PHF21A: variants seen among roughly 807,000 people sequenced by gnomAD.
PHF21A encodes BHC80a.
In PHF21A, 11 loss-of-function variants were observed where a neutral mutation model predicts 82.5. The observed-to-expected ratio is 0.13, with a 90% CI of 0.08 to 0.22. The LOEUF is 0.22. PHF21A is among the 10% of genes least tolerant of loss of function. PHF21A has a pLI of 1.00. For missense variants in PHF21A, 579 were observed against 837.8 expected (o/e 0.69, Z 3.81); for synonymous variants, 297 against 302.8 (o/e 0.98, Z 0.20).
At chr11:46,083,008 G>A (rs914914252) in intron 4 of PHF21A, among the ~76,000 whole-genome samples, 4 of 152,108 alleles carry the variant, frequency 2.6e-5, no homozygotes, top group Non-Finnish European at 5.9e-5. Flanking sequence ...CTATGATGAT[G>A]TCAGCTTTGA....
Position 45,971,262 on chromosome 11 carries a change from T to C in PHF21A, c.466A>G (p.Ile156Val). The change falls in exon 8 of 19, where the codon ATT becomes GTT. Residue 156 changes from isoleucine (I) to valine (V), a missense_variant. Physicochemically the swap from Ile to Val is conservative, Grantham distance 29. Transcript: ENST00000676320. The part of the protein sequence containing the change: ...PASVVGQRPT[I>V]AMVTAINSQK... The stretch of plus-strand genomic sequence containing the variant: ...CTGTTGATGGCGGTCACCATAGCAA[T>C]GGTAGGTCTCTGGCCCACCACAGAG... 1.9e-6 allele frequency: 3 copies of C among 1,614,176 alleles called. No individual in the cohort carries two copies. Among genetic ancestry groups the C allele is most frequent in the Non-Finnish European group, 2.5e-6 (3 of 1,180,036 alleles).
chr11:46,084,463 C>T (rs1470809560), intron 3 of PHF21A, among the ~76,000 whole-genome samples, 161 bp from the exon 4 acceptor site: 1 of 152,052 alleles, frequency 6.6e-6, no homozygotes, highest in African/African-American at 2.4e-5. Flanking sequence ...TCAAGTATTC[C>T]TCTAAAGAAC....
At chr11:46,025,533 T>C (rs11823015) in intron 6 of PHF21A, among the ~76,000 whole-genome samples, 110 of 152,338 alleles carry the variant, frequency 7.2e-4, no homozygotes, top group African/African-American at 2.5e-3. Flanking sequence ...AAAAATTCCT[T>C]TACCTGAGAA....
chr11:45,950,608 C>G (rs990609612), intron 11 of PHF21A, among the ~76,000 whole-genome samples: 2 of 152,066 alleles, frequency 1.3e-5, no homozygotes, highest in Admixed American at 6.5e-5. Flanking sequence ...TCAAAGCCAT[C>G]CTGGGCCACA....
At chr11:45,950,166 G>T in intron 12 of PHF21A, 40 bp downstream of exon 12, 1 of 1,460,208 alleles carries the variant, frequency 6.8e-7, no homozygotes. Flanking sequence ...CAAAGCTGTG[G>T]GCCAGAAAAA....
chr11:45,938,593 T>C (rs569750101), intron 15 of PHF21A, among the ~76,000 whole-genome samples: 1 of 152,128 alleles, frequency 6.6e-6, no homozygotes, highest in Non-Finnish European at 1.5e-5. Context: ...ACCCTATAAA[T>C]ATGTTTTTCT....
At position 45,969,864 on chromosome 11, in the gene PHF21A, T is replaced by C; in HGVS notation, c.653A>G (p.Gln218Arg). ...ATPPQPIKVP[Q>R]FIPPPRLTPR... ...AGTGAGTCTAGGAGGGGGGATAAACTGTGGTACTTTGATGGGCTGAGGAGG... is the reference window on the plus strand; with the variant it reads ...AGTGAGTCTAGGAGGGGGGATAAACCGTGGTACTTTGATGGGCTGAGGAGG... The change falls in exon 9 of 19, where the codon CAG becomes CGG. Residue 218 changes from glutamine (Q) to arginine (R), a missense_variant. This residue lies in a region of PHF21A where 410 missense variants were observed against 642.1 expected (regional missense o/e 0.64). Transcript: ENST00000676320. The C allele has an allele frequency of 1.2e-6, 2 of 1,613,994 alleles. No homozygotes were observed. The highest frequency in any genetic ancestry group is 1.7e-6 in the Non-Finnish European group (2 of 1,179,902).
At chr11:45,960,492 A>G (rs543809793) in intron 10 of PHF21A, among the ~76,000 whole-genome samples, 5 of 152,358 alleles carry the variant, frequency 3.3e-5, no homozygotes, top group Non-Finnish European at 7.4e-5. Flanking sequence ...GAACAGGTAC[A>G]TCTATGGAGA....
At chr11:46,114,965 C>T (rs898826124) in intron 1 of PHF21A, among the ~76,000 whole-genome samples, 3 of 152,186 alleles carry the variant, frequency 2.0e-5, no homozygotes, top group African/African-American at 4.8e-5. Flanking sequence ...AGATCATCAA[C>T]CTGTTAGGCC....
chr11:45,999,484 A>C (rs994419662), intron 6 of PHF21A, among the ~76,000 whole-genome samples: 6 of 152,226 alleles, frequency 3.9e-5, no homozygotes, highest in Non-Finnish European at 8.8e-5. Context: ...CATTTAGAAG[A>C]CTGTTCCTTG....
At chr11:45,950,404 G>A in intron 11 of PHF21A, 147 bp from the exon 12 acceptor site, 1 of 559,604 alleles carries the variant, frequency 1.8e-6, no homozygotes. Flanking sequence ...AGCAGCCATG[G>A]AGATCCTCTA....
intron 6 of PHF21A, among the ~76,000 whole-genome samples, chr11:46,019,919 T>G (rs778677045): frequency 6.6e-6 from 1 of 152,086 alleles, no homozygotes; most frequent in Non-Finnish European, 1.5e-5. Context: ...TTCCTAATAA[T>G]CTTAATCATC....
At chr11:46,061,924 C>T (rs2096539363) in intron 6 of PHF21A, among the ~76,000 whole-genome samples, 1 of 152,150 alleles carries the variant, frequency 6.6e-6, no homozygotes, top group Non-Finnish European at 1.5e-5. Flanking sequence ...TCTATTCTAT[C>T]CCCGGACTTG....
intron 6 of PHF21A, among the ~76,000 whole-genome samples, chr11:45,985,120 T>C (rs1260117069): frequency 6.6e-6 from 1 of 152,152 alleles, no homozygotes; most frequent in Non-Finnish European, 1.5e-5. Flanking sequence ...AAAACTAACC[T>C]GGAGAAATGT....
intron 6 of PHF21A, among the ~76,000 whole-genome samples, chr11:46,018,839 G>T (rs2137729727): frequency 6.6e-6 from 1 of 152,254 alleles, no homozygotes; most frequent in African/African-American, 2.4e-5. Context: ...ACTGCTTACT[G>T]CATACCATGA....
intron 6 of PHF21A, among the ~76,000 whole-genome samples, chr11:46,008,667 C>CT (rs2095350465): frequency 6.6e-6 from 1 of 152,122 alleles, no homozygotes; most frequent in Non-Finnish European, 1.5e-5. Flanking sequence ...GTCACACTCT[C>CT]TGAGTTCCAG....
chr11:46,030,891 T>C (rs892967611), intron 6 of PHF21A, among the ~76,000 whole-genome samples: 1 of 151,380 alleles, frequency 6.6e-6, no homozygotes, highest in Non-Finnish European at 1.5e-5. Context: ...AATTTCTACT[T>C]TTTGGGGGAA....
At chr11:46,049,085 C>T (rs1330629196) in intron 6 of PHF21A, among the ~76,000 whole-genome samples, 1 of 152,162 alleles carries the variant, frequency 6.6e-6, no homozygotes, top group African/African-American at 2.4e-5. Context: ...TGCTTCACAC[C>T]AAGTTTTAGA....
chr11:46,034,515 TTTTC>T (rs1440236392), intron 6 of PHF21A, among the ~76,000 whole-genome samples: 1 of 152,158 alleles, frequency 6.6e-6, no homozygotes, highest in Non-Finnish European at 1.5e-5. Context: ...AAAAAAACTG[TTTTC>T]TTTTAGTATT....
Sources: allele counts gnomAD v4.1 joint callset (sites outside exome capture counted in the v4.1 genomes callset), GRCh38; gene constraint gnomAD v4.1.1; regional missense constraint gnomAD v4.1.1; transcripts MANE v1.5; gene names NCBI Gene and HGNC (gene_info 2026-07-23, HGNC 2026-07-21).